Variants in FCHSD2 observed in about 807,000 individuals in gnomAD.
FCHSD2 encodes the protein FCH and double SH3 domains 2, also known as F-BAR and double SH3 domains protein 2.
A neutral mutation model predicts 108.1 loss-of-function variants in FCHSD2; 38 were observed. The ratio of observed to expected loss-of-function variants is 0.35; its 90% confidence interval spans 0.27 to 0.46. The LOEUF (loss-of-function observed/expected upper bound fraction) is 0.46, where lower values mean the gene tolerates loss of function less well. Ranked by LOEUF, FCHSD2 falls within the 20% of genes least tolerant of loss-of-function variation. The pLI is 1.00. For missense variants in FCHSD2, 751 were observed against 897.8 expected, an observed-to-expected ratio of 0.84 and a Z score of 2.09; for synonymous variants, 279 against 314.7, an observed-to-expected ratio of 0.89 and a Z score of 1.20.
intron 9 of FCHSD2, among the ~76,000 whole-genome samples, chr11:72,907,424 G>C (rs1242642549): frequency 1.4e-5 from 2 of 147,452 alleles, no homozygotes; most frequent in East Asian, 3.9e-4. Context: ...TTTTCAAAGG[G>C]AATGCTTCCA....
intron 12 of FCHSD2, among the ~76,000 whole-genome samples, chr11:72,881,559 A>G (rs1229373376): frequency 6.6e-6 from 1 of 152,242 alleles, no homozygotes; most frequent in East Asian, 1.9e-4. Context: ...AGGAAAGGAA[A>G]TCAGTGTATC....
At chr11:72,859,408 T>C (rs1384423313) in intron 13 of FCHSD2, among the ~76,000 whole-genome samples, 1 of 152,242 alleles carries the variant, frequency 6.6e-6, no homozygotes, top group African/African-American at 2.4e-5. Context: ...TGTGTTCAAG[T>C]AGCCCTTATT....
intron 2 of FCHSD2, among the ~76,000 whole-genome samples, chr11:73,132,290 C>T (rs1861022196): frequency 6.6e-6 from 1 of 152,208 alleles, no homozygotes; most frequent in Admixed American, 6.5e-5. Context: ...ACAGTAGCTA[C>T]CAATGCTAAA....
intron 17 of FCHSD2, 98 bp downstream of exon 17, chr11:72,842,523 G>A: frequency 6.9e-7 from 1 of 1,457,604 alleles, no homozygotes; most frequent in Non-Finnish European, 9.4e-7. Flanking sequence ...GTGAGGGTAA[G>A]GCAGAGACTG....
chr11:72,938,005 T>A (rs1856337337), intron 8 of FCHSD2, among the ~76,000 whole-genome samples: 1 of 151,956 alleles, frequency 6.6e-6, no homozygotes, highest in African/African-American at 2.4e-5. Flanking sequence ...CTGGCTGGAG[T>A]CTCTAAGGAG....
At chr11:72,867,720 T>C in intron 13 of FCHSD2, 145 bp downstream of exon 13, 1 of 632,590 alleles carries the variant, frequency 1.6e-6, no homozygotes, top group Non-Finnish European at 2.7e-6. Context: ...TTTAAATCAA[T>C]TAGTGATAGG....
chr11:72,873,660 C>T (rs1055265699), intron 12 of FCHSD2, among the ~76,000 whole-genome samples: 3 of 152,140 alleles, frequency 2.0e-5, no homozygotes, highest in Non-Finnish European at 4.4e-5. Context: ...TCCAAGGCCA[C>T]AAAGACTTAC....
At chr11:73,032,284 A>G (rs1407552913) in intron 3 of FCHSD2, among the ~76,000 whole-genome samples, 1 of 152,202 alleles carries the variant, frequency 6.6e-6, no homozygotes, top group African/African-American at 2.4e-5. Context: ...GCTGGAGTAC[A>G]ACAGCACAAT....
chr11:72,902,859 T>C (rs931850248), intron 9 of FCHSD2, among the ~76,000 whole-genome samples: 1 of 152,236 alleles, frequency 6.6e-6, no homozygotes, highest in African/African-American at 2.4e-5. Context: ...AGTGATAGTT[T>C]AGAAACTAGA....
chr11:72,839,702 T>C (rs1425317287), intron 19 of FCHSD2, among the ~76,000 whole-genome samples: 1 of 152,160 alleles, frequency 6.6e-6, no homozygotes, highest in African/African-American at 2.4e-5. Flanking sequence ...GAAGGGAACA[T>C]AACTCATTTT....
At chr11:72,975,334 TTGG>T (rs1565349779) in intron 8 of FCHSD2, among the ~76,000 whole-genome samples, 1 of 152,160 alleles carries the variant, frequency 6.6e-6, no homozygotes, top group African/African-American at 2.4e-5. Flanking sequence ...AGAGAGTAGA[TTGG>T]TGGTTACCAG....
intron 4 of FCHSD2, among the ~76,000 whole-genome samples, chr11:73,015,086 C>T (rs962813036): frequency 7.2e-5 from 11 of 152,172 alleles, no homozygotes; most frequent in African/African-American, 2.7e-4. Flanking sequence ...TCAGGTGATC[C>T]ACCTGCCTTG....
chr11:72,899,297 C>T (rs1036435182), intron 10 of FCHSD2, among the ~76,000 whole-genome samples: 1 of 152,048 alleles, frequency 6.6e-6, no homozygotes, highest in Non-Finnish European at 1.5e-5. Context: ...TAATTCATAA[C>T]AAGTAGACAC....
At chr11:72,921,444 C>T (rs1469269517) in intron 9 of FCHSD2, among the ~76,000 whole-genome samples, 7 of 152,226 alleles carry the variant, frequency 4.6e-5, no homozygotes, top group Non-Finnish European at 7.4e-5. Context: ...AATTACAAAA[C>T]GCTCCTTTTC....
rs1860790084 is a variant in FCHSD2, at chr11:72,838,154, T to A, written c.*637A>T. The A allele has an allele frequency of 6.6e-6, 1 of 152,358 alleles. No individual in the cohort carries two copies. 9.4% of individuals were successfully genotyped at this position (152,358 alleles called of 1,614,324 possible). On this transcript the variant is annotated 3_prime_UTR_variant, in exon 20 of 20. Coordinates refer to ENST00000409418, the MANE Select transcript of FCHSD2 (RefSeq NM_014824.3). ...TAATTCTAAATGAATGGCACAGATATTAATACGAAGGACACTGTTATTTTA... is the reference window on the plus strand; with the variant it reads ...TAATTCTAAATGAATGGCACAGATAATAATACGAAGGACACTGTTATTTTA...
intron 3 of FCHSD2, among the ~76,000 whole-genome samples, chr11:73,032,910 A>G (rs1349643130): frequency 6.6e-6 from 1 of 152,196 alleles, no homozygotes; most frequent in South Asian, 2.1e-4. Flanking sequence ...CAGGAAATCA[A>G]GCTTGCGAGC....
chr11:72,882,528 T>C (rs1038588027), intron 12 of FCHSD2, among the ~76,000 whole-genome samples: 6 of 152,184 alleles, frequency 3.9e-5, no homozygotes, highest in Non-Finnish European at 5.9e-5. Flanking sequence ...TCAAAATAAC[T>C]AGAAGATTTG....
intron 12 of FCHSD2, 95 bp downstream of exon 12, chr11:72,887,375 C>A: frequency 1.3e-6 from 1 of 757,194 alleles, no homozygotes; most frequent in Non-Finnish European, 2.2e-6. Flanking sequence ...ACCTTCATCT[C>A]AGTGTGTGTA....
intron 8 of FCHSD2, chr11:72,940,755 T>C: frequency 1.2e-6 from 1 of 855,622 alleles, no homozygotes; most frequent in Non-Finnish European, 2.0e-6. Flanking sequence ...AGCCTGTTCA[T>C]CATGGTGTTA....
Sources: gnomAD v4.1 joint callset for allele counts (sites outside exome capture counted in the v4.1 genomes callset) on GRCh38, gnomAD v4.1.1 for gene constraint, MANE v1.5 for transcripts, NCBI Gene and HGNC (gene_info 2026-07-23, HGNC 2026-07-21) for gene names.